SNX25: variants seen among roughly 807,000 people sequenced by gnomAD.
The protein encoded by SNX25 is sorting nexin 25.
SNX25 carries 62 observed loss-of-function variants against 113.7 expected under a neutral mutation model. The observed-to-expected ratio is 0.55, with a 90% CI of 0.44 to 0.67. The LOEUF is 0.67. SNX25 is among the 30% of genes least tolerant of loss of function. The pLI is 0.00. For missense variants in SNX25, 1,014 were observed against 1,161.0 expected (o/e 0.87, Z 1.84); for synonymous variants, 421 against 436.2 (o/e 0.97, Z 0.43).
At chr4:185,325,770 G>T (rs1406093539) in intron 9 of SNX25, among the ~76,000 whole-genome samples, 1 of 152,146 alleles carries the variant, frequency 6.6e-6, no homozygotes, top group Non-Finnish European at 1.5e-5. Context: ...CTCCTCTTGA[G>T]ATTCCAAGAT....
chr4:185,349,087 G>A (rs1284652338), intron 13 of SNX25, among the ~76,000 whole-genome samples: 1 of 151,962 alleles, frequency 6.6e-6, no homozygotes, highest in Non-Finnish European at 1.5e-5. Flanking sequence ...CGGGGGGTTC[G>A]ATCTTTTGGC....
downstream of SNX25, chr4:185,370,848 C>T (rs2095412353): frequency 6.2e-7 from 1 of 1,609,706 alleles, no homozygotes; most frequent in Non-Finnish European, 8.5e-7. Context: ...ATGGAAAAGA[C>T]ATCAGTTATG....
intron 2 of SNX25, among the ~76,000 whole-genome samples, chr4:185,250,454 T>G (rs564600059): frequency 6.6e-6 from 1 of 152,354 alleles, no homozygotes; most frequent in South Asian, 2.1e-4. Context: ...TGTTTATTTC[T>G]TGCCTTTATT....
intron 7 of SNX25, among the ~76,000 whole-genome samples, chr4:185,316,916 A>C (rs536788094): frequency 6.6e-6 from 1 of 152,366 alleles, no homozygotes; most frequent in African/African-American, 2.4e-5. Context: ...TTCCACAGCT[A>C]GTAAACTAAC....
chr4:185,376,766 A>G, the SNX25 span: 36 of 611,584 alleles, frequency 5.9e-5, no homozygotes, highest in African/African-American at 1.7e-4. Flanking sequence ...ACTGTATCCT[A>G]CTGTTAAAGC....
chr4:185,375,661 G>GT, the SNX25 span: 3 of 1,611,946 alleles, frequency 1.9e-6, no homozygotes, highest in Non-Finnish European at 2.5e-6. Flanking sequence ...CTCCTAGCTG[G>GT]TAAGTTGCTT....
In SNX25 at chr4:185,363,563, T is replaced by C. The variant is rs550530042; in HGVS notation, c.*98T>C. ...AGGGCTTAACTGAGAACCGTATTGA[T>C]TTTTATTTTAGTTACCTCCCTCTAG... On this transcript the variant is annotated 3_prime_UTR_variant, in exon 19 of 19. Transcript: ENST00000652585. The surrounding 1 kb of genome is among the most constrained non-coding windows in gnomAD (Gnocchi z 4.2). The C allele has an allele frequency of 5.2e-6, 6 of 1,155,222 alleles. No individual in the cohort carries two copies. The African/African-American group carries it at 7.7e-5, about 15-fold the overall frequency. 71.6% of individuals were successfully genotyped at this position (1,155,222 alleles called of 1,614,324 possible). A position where few individuals can be genotyped will look rare whatever the true frequency, so the allele number is the denominator to read the frequency against.
intron 15 of SNX25, among the ~76,000 whole-genome samples, chr4:185,356,994 C>T (rs1420116471): frequency 6.6e-6 from 1 of 152,152 alleles, no homozygotes; most frequent in South Asian, 2.1e-4. Context: ...CTTTCTCACA[C>T]ACGGGGAAAG....
At chr4:185,266,909 T>C in intron 4 of SNX25, 60 bp from the exon 5 acceptor site, 1 of 1,531,342 alleles carries the variant, frequency 6.5e-7, no homozygotes, top group South Asian at 1.2e-5. Flanking sequence ...ATGTGATACA[T>C]AAACAGTTCC....
At chr4:185,237,132 A>G (rs559612040) in intron 1 of SNX25, among the ~76,000 whole-genome samples, 1 of 137,254 alleles carries the variant, frequency 7.3e-6, no homozygotes, top group East Asian at 2.2e-4. Context: ...TCTAAAGTAG[A>G]AATTGTGCTT....
chr4:185,314,941 C>T lies in SNX25; in HGVS notation c.1344+4125C>T, dbSNP rs1023445478. On this transcript the variant is annotated intron_variant, in intron 7 of 18. Coordinates refer to ENST00000652585, the MANE Select transcript of SNX25 (RefSeq NM_001378034.2). ...GAAGAATATAATAATAATCTAAAAC[C>T]TTCCCGGCTGGGCGCGGTGGCTCAC... is the stretch of plus-strand genomic sequence containing the variant. 4.0e-5 allele frequency among the ~76,000 whole-genome samples: 6 copies of T among 148,580 alleles called. No homozygotes were observed. In the South Asian group the frequency reaches 1.3e-3, roughly 32 times the overall value.
At chr4:185,361,831 C>T (rs1370089626) in intron 16 of SNX25, 93 bp from the exon 17 acceptor site, 1 of 1,138,798 alleles carries the variant, frequency 8.8e-7, no homozygotes, top group Admixed American at 2.1e-5. Flanking sequence ...TTAGATCAGG[C>T]TGTATCTTAA....
chr4:185,243,770 G>A (rs1183569329), intron 1 of SNX25, among the ~76,000 whole-genome samples: 3 of 152,186 alleles, frequency 2.0e-5, no homozygotes, highest in Non-Finnish European at 4.4e-5. Context: ...TTACATGTAA[G>A]TATGAAGTAG....
chr4:185,254,741 A>G (rs1178218519), intron 2 of SNX25, among the ~76,000 whole-genome samples: 1 of 152,186 alleles, frequency 6.6e-6, no homozygotes, highest in Non-Finnish European at 1.5e-5. Context: ...TCTCATCTCC[A>G]GTGGCCTCCT....
intron 1 of SNX25, among the ~76,000 whole-genome samples, chr4:185,227,830 A>C (rs1447655524): frequency 2.0e-5 from 3 of 152,308 alleles, no homozygotes; most frequent in South Asian, 2.1e-4. Context: ...GTTGGTGGTC[A>C]GTGTACACGT....
intron 1 of SNX25, among the ~76,000 whole-genome samples, chr4:185,241,207 C>A (rs372838246): frequency 3.3e-5 from 5 of 152,240 alleles, no homozygotes; most frequent in South Asian, 2.1e-4. Flanking sequence ...TGAGTGAACG[C>A]GACTCCGTCT....
intron 5 of SNX25, among the ~76,000 whole-genome samples, chr4:185,274,263 A>G (rs915471237): frequency 1.3e-5 from 2 of 151,866 alleles, no homozygotes; most frequent in African/African-American, 4.8e-5. Context: ...ATTTCACCAT[A>G]TTGGCCAGGC....
chr4:185,259,998 C>T (rs974974780), intron 3 of SNX25, among the ~76,000 whole-genome samples: 3 of 152,162 alleles, frequency 2.0e-5, no homozygotes, highest in Admixed American at 6.5e-5. Context: ...GACATGCCCA[C>T]GGTTTTCCAG....
chr4:185,257,502 C>A (rs1218936892), intron 2 of SNX25, among the ~76,000 whole-genome samples: 1 of 151,816 alleles, frequency 6.6e-6, no homozygotes, highest in Non-Finnish European at 1.5e-5. Context: ...GATTACAGAG[C>A]TTAGTACGAA....
Sources: allele counts gnomAD v4.1 joint callset (sites outside exome capture counted in the v4.1 genomes callset), GRCh38; gene constraint gnomAD v4.1.1; non-coding constraint Gnocchi (gnomAD v3.1); transcripts MANE v1.5; gene names NCBI Gene and HGNC (gene_info 2026-07-23, HGNC 2026-07-21).